Variants in SNRPN observed in about 807,000 individuals in gnomAD.
SNRPN encodes small nuclear ribonucleoprotein-associated protein N.
SNRPN carries 7 observed loss-of-function variants against 25.2 expected under a neutral mutation model. The observed-to-expected ratio is 0.28, with a 90% CI of 0.16 to 0.52. The LOEUF is 0.52. SNRPN is among the 20% of genes least tolerant of loss of function. The pLI is 0.96. For missense variants in SNRPN, 196 were observed against 322.5 expected (o/e 0.61, Z 3.00); for synonymous variants, 124 against 110.6 (o/e 1.12, Z -0.76).
upstream of SNRPN, among the ~76,000 whole-genome samples, chr15:24,952,200 CTTATA>C (rs1434406060): frequency 2.0e-5 from 3 of 151,920 alleles, no homozygotes; most frequent in East Asian, 1.9e-4. Flanking sequence ...TAACAAGTGA[CTTATA>C]TTTTATTGAT....
chr15:24,930,930 G>A (rs867206196), intron 3 of SNRPN, among the ~76,000 whole-genome samples: 222 of 151,754 alleles, frequency 1.5e-3, no homozygotes, highest in African/African-American at 5.1e-3. Context: ...GCCAGGCATG[G>A]TGGTGCACAC....
intron 1 of SNRPN, among the ~76,000 whole-genome samples, chr15:24,866,257 T>TA (rs34880247): frequency 0.13 from 20,024 of 152,082 alleles, 1,547 homozygotes; most frequent in Admixed American, 0.25. Context: ...AAATAACAGA[T>TA]AAAATGAGAT....
intron 2 of SNRPN, among the ~76,000 whole-genome samples, chr15:24,837,432 G>A (rs980711616): frequency 4.6e-5 from 7 of 150,670 alleles, no homozygotes; most frequent in Admixed American, 1.3e-4. Context: ...CAGTGGCTGC[G>A]ATCTTGGCTC....
intron 1 of SNRPN, among the ~76,000 whole-genome samples, chr15:24,882,461 C>A (rs2149719280): frequency 6.6e-6 from 1 of 152,114 alleles, no homozygotes; most frequent in Admixed American, 6.5e-5. Context: ...TGATTTCTTC[C>A]ACTTTCATAG....
rs1170727963 is a variant in SNRPN at position 24,975,296 on chromosome 15, GAGA to G, written c.4-58_4-56del. ...TTATGTAAGGGTGGAGAAGAAACAG[GAGA>G]AGATTAGAAGACTAGGGTGTTGGCA... On this transcript the variant is annotated intron_variant, in intron 4 of 9. Transcript: ENST00000390687. The G allele has an allele frequency of 4.5e-6, 6 of 1,348,246 alleles. No homozygotes were observed. The Admixed American group carries it at 7.3e-5, about 16-fold the overall frequency. The allele number at this position is 1,348,246 out of a possible 1,614,324, so 83.5% of individuals were successfully genotyped here. A position where few individuals can be genotyped will look rare whatever the true frequency, so the allele number is the denominator to read the frequency against.
At chr15:24,926,326 C>T (rs925346186) in intron 3 of SNRPN, among the ~76,000 whole-genome samples, 4 of 152,014 alleles carry the variant, frequency 2.6e-5, no homozygotes, top group East Asian at 1.9e-4. Flanking sequence ...TCAAAATATA[C>T]GAAAGGCATA....
Position 24,960,345 on chromosome 15 carries a change from GT to G in SNRPN, c.-390-1763del, listed in dbSNP as rs549206710. Among the ~76,000 whole-genome samples the G allele has an allele frequency of 5.3e-3, 813 of 152,138 alleles. 2 individuals carry two copies. The highest frequency in any genetic ancestry group is 8.9e-3 in the Non-Finnish European group (605 of 67,984). On this transcript the variant is annotated intron_variant, in intron 1 of 9. Coordinates refer to ENST00000390687, the MANE Select transcript of SNRPN (RefSeq NM_003097.6). The stretch of plus-strand genomic sequence containing the variant: ...GTCAGATGGTGGCATTTCAGTGGGG[GT>G]TTTTTCATTTTGAGGCAGGGTCTGG...
At chr15:24,936,141 C>T (rs1273124846) in intron 3 of SNRPN, among the ~76,000 whole-genome samples, 2 of 151,774 alleles carry the variant, frequency 1.3e-5, no homozygotes, top group Non-Finnish European at 2.9e-5. Context: ...TGTGTTATTT[C>T]TCCCTTTTGC....
At chr15:24,923,207 C>T (rs1236722883) in intron 3 of SNRPN, among the ~76,000 whole-genome samples, 1 of 152,126 alleles carries the variant, frequency 6.6e-6, no homozygotes. Context: ...TGCGCGGCTG[C>T]AGATCCCTTC....
At chr15:24,912,680 G>T (rs1032543215) in intron 2 of SNRPN, 2 of 152,212 alleles carry the variant, frequency 1.3e-5, no homozygotes, top group East Asian at 3.9e-4. Context: ...AGCCATGAGG[G>T]CTCTGCTCTA....
intron 1 of SNRPN, among the ~76,000 whole-genome samples, chr15:24,827,115 T>C (rs542057266): frequency 6.6e-6 from 1 of 152,192 alleles, no homozygotes; most frequent in Admixed American, 6.5e-5. Flanking sequence ...GCAGATATCA[T>C]GAGTGGATTT....
chr15:24,937,340 TACAAA>T (rs920138162), intron 3 of SNRPN, among the ~76,000 whole-genome samples: 173 of 152,090 alleles, frequency 1.1e-3, no homozygotes, highest in African/African-American at 3.7e-3. Flanking sequence ...ACCCTGTATT[TACAAA>T]ACAAAACAAA....
intron 3 of SNRPN, among the ~76,000 whole-genome samples, chr15:24,923,174 G>A (rs1374295889): frequency 1.3e-5 from 2 of 152,142 alleles, no homozygotes; most frequent in African/African-American, 4.8e-5. Flanking sequence ...CCAAAGTGCT[G>A]GGATTACAGG....
chr15:24,849,155 T>A (rs1175087847), intron 2 of SNRPN: 1 of 152,302 alleles, frequency 6.6e-6, no homozygotes, highest in Non-Finnish European at 1.5e-5. Context: ...ATGGTCTTGA[T>A]TTCCTGACTT....
intron 1 of SNRPN, among the ~76,000 whole-genome samples, chr15:24,877,698 A>T (rs2056104352): frequency 8.2e-6 from 1 of 121,458 alleles, no homozygotes; most frequent in South Asian, 2.6e-4. Flanking sequence ...ACACACACAA[A>T]CACACTAGCC....
chr15:24,852,892 C>A (rs74873266), upstream of SNRPN, among the ~76,000 whole-genome samples: 2,082 of 152,156 alleles, frequency 0.014, 58 homozygotes, highest in African/African-American at 0.047. Flanking sequence ...TGTGATTGTG[C>A]CATAGCGCTC....
chr15:24,900,141 A>G (rs1463529950), intron 2 of SNRPN, among the ~76,000 whole-genome samples: 1 of 152,196 alleles, frequency 6.6e-6, no homozygotes, highest in African/African-American at 2.4e-5. Context: ...ATGGCAGTCA[A>G]GATAACTGTA....
intron 1 of SNRPN, among the ~76,000 whole-genome samples, chr15:24,883,465 C>T (rs543421676): frequency 1.1e-4 from 17 of 151,896 alleles, no homozygotes; most frequent in African/African-American, 4.1e-4. Flanking sequence ...ATAATCCCTA[C>T]CCCCTCAACA....
chr15:24,862,450 C>G (rs529182845), intron 1 of SNRPN, among the ~76,000 whole-genome samples: 23 of 150,840 alleles, frequency 1.5e-4, no homozygotes, highest in Middle Eastern at 6.8e-3. Flanking sequence ...CATCTTCAGG[C>G]ACAAATCCTC....
Sources: allele counts gnomAD v4.1 joint callset (sites outside exome capture counted in the v4.1 genomes callset), GRCh38; gene constraint gnomAD v4.1.1; transcripts MANE v1.5; gene names NCBI Gene and HGNC (gene_info 2026-07-23, HGNC 2026-07-21).